Variants in MIPOL1 observed in about 807,000 individuals in gnomAD.
MIPOL1 encodes the protein mirror-image polydactyly gene 1 protein.
A neutral mutation model predicts 60.9 loss-of-function variants in MIPOL1; 57 were observed. That is an observed-to-expected ratio of 0.94 (90% CI 0.76 to 1.17). MIPOL1 has a LOEUF of 1.17. MIPOL1 is among the 50% of genes most tolerant of loss of function. The probability of loss-of-function intolerance (pLI) is 0.00; values close to 1 mark genes in which losing one functional copy is unlikely to be tolerated. For synonymous variants in MIPOL1, 179 were observed against 168.8 expected, an observed-to-expected ratio of 1.06 and a Z score of -0.47; for missense variants, 551 against 511.6, an observed-to-expected ratio of 1.08 and a Z score of -0.74.
chr14:37,392,046 C>A (rs764617828), intron 10 of MIPOL1, among the ~76,000 whole-genome samples: 1 of 152,008 alleles, frequency 6.6e-6, no homozygotes, highest in Non-Finnish European at 1.5e-5. Context: ...GTTCCAATTA[C>A]TCCAATTTTG....
intron 10 of MIPOL1, among the ~76,000 whole-genome samples, chr14:37,413,165 G>A (rs563251813): frequency 7.3e-4 from 111 of 152,162 alleles, no homozygotes; most frequent in South Asian, 4.4e-3. Context: ...ATGTATAAAA[G>A]CGTGCATATG....
intron 10 of MIPOL1, among the ~76,000 whole-genome samples, chr14:37,416,775 C>G (rs749853015): frequency 3.9e-5 from 6 of 152,100 alleles, no homozygotes; most frequent in Non-Finnish European, 8.8e-5. Flanking sequence ...ACAGCAAGAC[C>G]TCTCAGGGAC....
At chr14:37,388,939 C>T (rs1313120268) in intron 10 of MIPOL1, among the ~76,000 whole-genome samples, 1 of 152,040 alleles carries the variant, frequency 6.6e-6, no homozygotes, top group Admixed American at 6.6e-5. Context: ...AAGCTTCTGC[C>T]TTCTCAACTT....
intron 11 of MIPOL1, among the ~76,000 whole-genome samples, chr14:37,452,141 A>G (rs2094430388): frequency 6.6e-6 from 1 of 152,122 alleles, no homozygotes; most frequent in African/African-American, 2.4e-5. Flanking sequence ...CTAGCACTTG[A>G]CCATTAAAGA....
chr14:37,504,270 C>T (rs1178885371), intron 12 of MIPOL1: 2 of 152,176 alleles, frequency 1.3e-5, no homozygotes, highest in African/African-American at 2.4e-5. Context: ...TAGACATCTA[C>T]AGAACTCTCC....
chr14:37,439,560 A>G (rs1183585750), intron 11 of MIPOL1, among the ~76,000 whole-genome samples: 2 of 152,210 alleles, frequency 1.3e-5, no homozygotes, highest in African/African-American at 2.4e-5. Flanking sequence ...AAGCCTAAAT[A>G]CATTTTTGAA....
chr14:37,242,441 T>A (rs1459840733), intron 1 of MIPOL1, among the ~76,000 whole-genome samples: 1 of 152,176 alleles, frequency 6.6e-6, no homozygotes, highest in Non-Finnish European at 1.5e-5. Context: ...GTATAGGAAA[T>A]CTATTTGTCT....
At chr14:37,542,265 C>T (rs1009540589) in intron 12 of MIPOL1, among the ~76,000 whole-genome samples, 2 of 152,092 alleles carry the variant, frequency 1.3e-5, no homozygotes, top group Non-Finnish European at 2.9e-5. Flanking sequence ...CTTCTTTGAC[C>T]ATTCTTTCTC....
chr14:37,453,407 C>T (rs971809304), intron 11 of MIPOL1, among the ~76,000 whole-genome samples: 2 of 151,864 alleles, frequency 1.3e-5, no homozygotes, highest in Non-Finnish European at 2.9e-5. Flanking sequence ...TTTGATTAAA[C>T]ATTTGTCTTA....
chr14:37,431,569 CTTTTTTTTTTTTTTTTT>C (rs869258490), intron 11 of MIPOL1, among the ~76,000 whole-genome samples: 1 of 64,832 alleles, frequency 1.5e-5, no homozygotes, highest in Non-Finnish European at 2.6e-5. Context: ...ATCTCTGTTT[CTTTTTTTTTTTTTTTTT>C]TTTTTTTTTT....
chr14:37,500,264 C>G, intron 12 of MIPOL1, 126 bp downstream of exon 12: 1 of 741,280 alleles, frequency 1.3e-6, no homozygotes, highest in East Asian at 2.7e-5. Flanking sequence ...TAGAATTAAC[C>G]CAGTGAACTT....
intron 9 of MIPOL1, 80 bp from the exon 10 acceptor site, chr14:37,369,437 T>C (rs1325069588): frequency 1.1e-6 from 1 of 923,572 alleles, no homozygotes; most frequent in Non-Finnish European, 1.7e-6. Context: ...TACAATGATA[T>C]TATTTACATT....
chr14:37,363,451 A>G (rs553420184), intron 9 of MIPOL1, among the ~76,000 whole-genome samples: 1 of 152,300 alleles, frequency 6.6e-6, no homozygotes, highest in South Asian at 2.1e-4. Flanking sequence ...AGGCTGCAGA[A>G]CAGTAAATAT....
intron 3 of MIPOL1, among the ~76,000 whole-genome samples, chr14:37,256,118 T>G (rs1423452557): frequency 6.6e-6 from 1 of 151,872 alleles, no homozygotes; most frequent in Non-Finnish European, 1.5e-5. Context: ...TGTGAACAGT[T>G]TTAGTATAGA....
chr14:37,292,462 A>G (rs945990289), intron 7 of MIPOL1, among the ~76,000 whole-genome samples: 1 of 116,080 alleles, frequency 8.6e-6, no homozygotes, highest in African/African-American at 2.9e-5. Flanking sequence ...TTTCCTTAAT[A>G]AACTTTTTTT....
intron 12 of MIPOL1, among the ~76,000 whole-genome samples, chr14:37,542,882 A>G (rs796752625): frequency 7.9e-5 from 12 of 152,132 alleles, no homozygotes; most frequent in African/African-American, 2.9e-4. Context: ...ACTGAAATAG[A>G]CCTAATATTC....
At chr14:37,383,559 T>A (rs570371723) in intron 10 of MIPOL1, among the ~76,000 whole-genome samples, 3 of 152,026 alleles carry the variant, frequency 2.0e-5, no homozygotes, top group African/African-American at 7.2e-5. Context: ...GTGCCTCTTT[T>A]AAAAATTTTC....
At chr14:37,540,033 A>G (rs562956271) in intron 12 of MIPOL1, among the ~76,000 whole-genome samples, 2 of 152,022 alleles carry the variant, frequency 1.3e-5, no homozygotes, top group Non-Finnish European at 2.9e-5. Context: ...AGAAGGACAT[A>G]TTTGCTTCCC....
At chr14:37,521,372 T>G (rs1255016635) in intron 12 of MIPOL1, among the ~76,000 whole-genome samples, 5 of 152,218 alleles carry the variant, frequency 3.3e-5, no homozygotes, top group African/African-American at 1.2e-4. Flanking sequence ...ATTTGTTCTC[T>G]CTTTAACTTC....
Sources: allele counts gnomAD v4.1 joint callset (sites outside exome capture counted in the v4.1 genomes callset), GRCh38; gene constraint gnomAD v4.1.1; transcripts MANE v1.5; gene names NCBI Gene and HGNC (gene_info 2026-07-23, HGNC 2026-07-21).